The following GPC5 variants were observed in gnomAD, a reference collection of about 807,000 sequenced individuals.
GPC5 encodes glypican-5.
Under a neutral mutation model 53.9 loss-of-function variants are expected in GPC5, and 47 were observed. The observed-to-expected ratio is 0.87, with a 90% CI of 0.69 to 1.11. The LOEUF is 1.11. GPC5 is among the 50% of genes most tolerant of loss of function. GPC5 has a pLI of 0.00. For synonymous variants in GPC5, 286 were observed against 263.3 expected (o/e 1.09, Z -0.84); for missense variants, 748 against 713.1 (o/e 1.05, Z -0.56).
chr13:91,755,635 A>C (rs2037274030), intron 4 of GPC5, among the ~76,000 whole-genome samples: 1 of 152,136 alleles, frequency 6.6e-6, no homozygotes, highest in South Asian at 2.1e-4. Flanking sequence ...GATATGGGGA[A>C]GGAAAGTATT....
intron 6 of GPC5, among the ~76,000 whole-genome samples, chr13:92,087,274 C>T (rs931920139): frequency 2.0e-5 from 3 of 152,166 alleles, no homozygotes; most frequent in African/African-American, 7.2e-5. Flanking sequence ...CATCTACCAC[C>T]TTCTATCACA....
At chr13:91,997,744 T>C (rs1330458368) in intron 6 of GPC5, among the ~76,000 whole-genome samples, 1 of 152,184 alleles carries the variant, frequency 6.6e-6, no homozygotes, top group East Asian at 1.9e-4. Flanking sequence ...GGTCTTGAAC[T>C]CCTGACCTCA....
intron 1 of GPC5, among the ~76,000 whole-genome samples, chr13:91,430,501 G>A (rs945271920): frequency 3.9e-5 from 6 of 152,154 alleles, no homozygotes; most frequent in Admixed American, 3.3e-4. Context: ...ACTGGATTAA[G>A]GATACTTTCT....
At chr13:92,523,134 G>T (rs1162914281) in intron 7 of GPC5, among the ~76,000 whole-genome samples, 1 of 152,104 alleles carries the variant, frequency 6.6e-6, no homozygotes, top group Admixed American at 6.6e-5. Flanking sequence ...GATTGTAAAA[G>T]AAATTTATGA....
intron 7 of GPC5, among the ~76,000 whole-genome samples, chr13:92,753,040 C>G (rs1356564776): frequency 2.6e-5 from 4 of 152,208 alleles, no homozygotes; most frequent in African/African-American, 9.6e-5. Flanking sequence ...GGGGGCAGGG[C>G]ACAGACAAAC....
At chr13:91,421,152 G>A (rs566798552) in intron 1 of GPC5, among the ~76,000 whole-genome samples, 3 of 152,148 alleles carry the variant, frequency 2.0e-5, no homozygotes, top group South Asian at 4.1e-4. Context: ...GAGGTGAACT[G>A]ATAAACACTT....
chr13:91,765,291 A>G (rs2138675979), intron 5 of GPC5, among the ~76,000 whole-genome samples: 1 of 152,336 alleles, frequency 6.6e-6, no homozygotes, highest in African/African-American at 2.4e-5. Context: ...CTTTCTTCAA[A>G]CAAGTTCCCT....
chr13:92,830,492 G>C (rs1878011003), intron 7 of GPC5, among the ~76,000 whole-genome samples: 1 of 152,038 alleles, frequency 6.6e-6, no homozygotes, highest in Non-Finnish European at 1.5e-5. Flanking sequence ...CCTCAAAAGA[G>C]ACACACCAGA....
At chr13:91,737,040 C>T (rs1476174244) in intron 4 of GPC5, among the ~76,000 whole-genome samples, 2 of 151,258 alleles carry the variant, frequency 1.3e-5, no homozygotes, top group Non-Finnish European at 2.9e-5. Context: ...GGTGGCGGAG[C>T]TTTCAGTGAG....
intron 7 of GPC5, among the ~76,000 whole-genome samples, chr13:92,669,346 C>T (rs540404208): frequency 6.6e-6 from 1 of 152,228 alleles, no homozygotes; most frequent in Admixed American, 6.5e-5. Context: ...CCTCCTCTCT[C>T]TACTCAAAAA....
At chr13:91,819,150 G>A (rs925506338) in intron 5 of GPC5, among the ~76,000 whole-genome samples, 10 of 108,180 alleles carry the variant, frequency 9.2e-5, no homozygotes, top group Non-Finnish European at 5.5e-5. Flanking sequence ...AAAAATATGC[G>A]CTTTTTTTTT....
chr13:92,002,002 A>G (rs2040559675), intron 6 of GPC5, among the ~76,000 whole-genome samples: 1 of 152,214 alleles, frequency 6.6e-6, no homozygotes, highest in Non-Finnish European at 1.5e-5. Context: ...ATAAAGAGTA[A>G]GCCTTTCTGT....
chr13:92,484,895 C>A (rs9523678), intron 7 of GPC5, among the ~76,000 whole-genome samples: 1 of 150,738 alleles, frequency 6.6e-6, no homozygotes, highest in Admixed American at 6.6e-5. Context: ...CCACCATGCC[C>A]GGCTAATTTT....
chr13:92,398,991 T>C (rs1196061011), intron 7 of GPC5, among the ~76,000 whole-genome samples: 1 of 152,160 alleles, frequency 6.6e-6, no homozygotes, highest in Admixed American at 6.5e-5. Flanking sequence ...ATTCTTTACT[T>C]CCTTCCCCAG....
chr13:92,356,824 A>G (rs1044330539), intron 7 of GPC5, among the ~76,000 whole-genome samples: 54 of 152,216 alleles, frequency 3.5e-4, no homozygotes, highest in African/African-American at 1.3e-3. Flanking sequence ...TACTCAGTCT[A>G]GTACTCAGTA....
chr13:91,837,716 T>G (rs1322049029), intron 5 of GPC5, among the ~76,000 whole-genome samples: 1 of 152,146 alleles, frequency 6.6e-6, no homozygotes, highest in East Asian at 1.9e-4. Flanking sequence ...TTTTTTGAAG[T>G]TAGAAAATTA....
intron 7 of GPC5, among the ~76,000 whole-genome samples, chr13:92,511,717 C>A (rs1880573200): frequency 6.6e-6 from 1 of 152,144 alleles, no homozygotes; most frequent in Non-Finnish European, 1.5e-5. Flanking sequence ...CATTTTGTTG[C>A]CAGAGCTATA....
intron 2 of GPC5, among the ~76,000 whole-genome samples, chr13:91,487,278 A>G (rs1008623211): frequency 6.6e-6 from 1 of 152,170 alleles, no homozygotes; most frequent in South Asian, 2.1e-4. Flanking sequence ...AATGAAGGCA[A>G]ATCTTTTGAG....
At chr13:92,640,996 G>A (rs1265308262) in intron 7 of GPC5, among the ~76,000 whole-genome samples, 1 of 151,948 alleles carries the variant, frequency 6.6e-6, no homozygotes, top group East Asian at 1.9e-4. Flanking sequence ...GGGAGGATGG[G>A]GGTGGCGAAT....
Sources: allele counts gnomAD v4.1 joint callset (sites outside exome capture counted in the v4.1 genomes callset), GRCh38; gene constraint gnomAD v4.1.1; transcripts MANE v1.5; gene names NCBI Gene and HGNC (gene_info 2026-07-23, HGNC 2026-07-21).